The following TAFA4 variants were observed in gnomAD, a reference collection of about 807,000 sequenced individuals.
TAFA4 encodes the protein TAFA chemokine like family member 4.
In TAFA4, 20 loss-of-function variants were observed where a neutral mutation model predicts 21.1. The observed-to-expected ratio is 0.95, with a 90% confidence interval of 0.67 to 1.38. TAFA4 has a LOEUF of 1.38. TAFA4 is among the 40% of genes most tolerant of loss of function. The probability of loss-of-function intolerance (pLI) is 0.00; values close to 1 mark genes in which losing one functional copy is unlikely to be tolerated. For missense variants in TAFA4, 211 were observed against 180.9 expected, an observed-to-expected ratio of 1.17 and a Z score of -0.95; for synonymous variants, 71 against 67.4, an observed-to-expected ratio of 1.05 and a Z score of -0.26.
chr3:68,837,171 C>A (rs1046813046), intron 3 of TAFA4, among the ~76,000 whole-genome samples: 4 of 152,182 alleles, frequency 2.6e-5, no homozygotes, highest in African/African-American at 9.7e-5. Flanking sequence ...CTATGTGACC[C>A]CTTGAAGAAA....
At chr3:68,848,854 G>A (rs1366619954) in intron 3 of TAFA4, among the ~76,000 whole-genome samples, 1 of 152,030 alleles carries the variant, frequency 6.6e-6, no homozygotes, top group African/African-American at 2.4e-5. Flanking sequence ...GTGACAGGCT[G>A]TCTCCTTTCC....
At chr3:68,787,655 G>T (rs1703286038) in intron 3 of TAFA4, among the ~76,000 whole-genome samples, 1 of 152,192 alleles carries the variant, frequency 6.6e-6, no homozygotes, top group African/African-American at 2.4e-5. Context: ...ACCACAAGCA[G>T]CAACACTTGC....
intron 1 of TAFA4, among the ~76,000 whole-genome samples, chr3:68,918,761 G>A (rs1054216841): frequency 3.3e-5 from 5 of 152,074 alleles, no homozygotes; most frequent in African/African-American, 1.2e-4. Context: ...GATTGGTCTC[G>A]AACTTCTGGG....
chr3:68,836,694 T>C (rs900512265), intron 3 of TAFA4, among the ~76,000 whole-genome samples: 1 of 152,122 alleles, frequency 6.6e-6, no homozygotes, highest in Non-Finnish European at 1.5e-5. Flanking sequence ...TCAATAGTCT[T>C]TCAACAGAAA....
At chr3:68,841,342 A>T (rs1288452807) in intron 3 of TAFA4, among the ~76,000 whole-genome samples, 4 of 151,476 alleles carry the variant, frequency 2.6e-5, no homozygotes, top group East Asian at 1.9e-4. Flanking sequence ...AAAAATAAAA[A>T]AAAATAAAAT....
rs574866745 is a variant in TAFA4 at position 68,884,348 on chromosome 3, T to A, written c.14+827A>T. Among the ~76,000 whole-genome samples the A allele has an allele frequency of 2.6e-5, 4 of 152,284 alleles. No homozygotes were observed. The East Asian group carries it at 7.8e-4, about 30-fold the overall frequency. On this transcript the variant is annotated intron_variant, in intron 2 of 5. Transcript: ENST00000295569. ...AGGACATTTCTCCCCGCCTTCTCTG[T>A]CTTTGGCAGGATCTGTGGGGTGGCC...
chr3:68,751,778 G>T (rs1265669246), intron 4 of TAFA4, among the ~76,000 whole-genome samples: 1 of 152,122 alleles, frequency 6.6e-6, no homozygotes, highest in Non-Finnish European at 1.5e-5. Context: ...CTATGATTAT[G>T]GGGTGCAAGT....
In TAFA4 at chr3:68,877,125, G is replaced by T. The variant is rs1287477856; in HGVS notation, c.130+3605C>A. Among the ~76,000 whole-genome samples the T allele has an allele frequency of 3.3e-5, 5 of 152,168 alleles. No homozygotes were observed. In the East Asian group the frequency reaches 9.7e-4, roughly 29 times the overall value. On this transcript the variant is annotated intron_variant, in intron 3 of 5. Transcript: ENST00000295569. The stretch of plus-strand genomic sequence containing the variant: ...TGTAATCCCAGCACTTTGGGAGGCC[G>T]AGGTGGGTGGATCACTTGAGGTCAG...
chr3:68,918,991 C>A (rs955728150), intron 1 of TAFA4, among the ~76,000 whole-genome samples: 2 of 152,168 alleles, frequency 1.3e-5, no homozygotes, highest in African/African-American at 4.8e-5. Context: ...TCAAAATATC[C>A]CTCTGTAAGA....
intron 3 of TAFA4, among the ~76,000 whole-genome samples, chr3:68,799,985 G>A (rs1027053919): frequency 3.9e-5 from 6 of 151,982 alleles, no homozygotes; most frequent in Non-Finnish European, 5.9e-5. Flanking sequence ...GGGGATCTAG[G>A]TTGCCGCTCC....
chr3:68,917,567 A>G (rs564575413), intron 1 of TAFA4, among the ~76,000 whole-genome samples: 179 of 152,022 alleles, frequency 1.2e-3, no homozygotes, highest in African/African-American at 4.1e-3. Flanking sequence ...AGCCTGACCA[A>G]TATGGTGAAA....
chr3:68,859,742 C>T (rs141395310), intron 3 of TAFA4, among the ~76,000 whole-genome samples: 17 of 152,224 alleles, frequency 1.1e-4, no homozygotes, highest in African/African-American at 4.1e-4. Context: ...GCAAGCAGAG[C>T]TCACCAACCA....
chr3:68,925,124 T>C lies in TAFA4; in HGVS notation c.-123+7116A>G, dbSNP rs760852500. ...AGAGCAGGACAGAGTGCAAAGAAGA[T>C]GTGAGGTTTTTATCCTGGGAGGACT... On this transcript the variant is annotated intron_variant, in intron 1 of 5. Coordinates refer to ENST00000295569, the MANE Select transcript of TAFA4 (RefSeq NM_182522.5). Among the ~76,000 whole-genome samples, 73 of 152,126 alleles carry C rather than the reference T, an allele frequency of 4.8e-4. 1 individual carries two copies. Among genetic ancestry groups the C allele is most frequent in the Non-Finnish European group, 7.8e-4 (53 of 68,014 alleles).
intron 3 of TAFA4, among the ~76,000 whole-genome samples, chr3:68,809,429 A>G (rs1240777918): frequency 1.3e-5 from 2 of 152,312 alleles, no homozygotes; most frequent in East Asian, 1.9e-4. Flanking sequence ...TTGGTTGCCA[A>G]TATGATTTGT....
intron 1 of TAFA4, among the ~76,000 whole-genome samples, chr3:68,906,508 G>A (rs958369389): frequency 6.6e-6 from 1 of 152,176 alleles, no homozygotes; most frequent in Non-Finnish European, 1.5e-5. Flanking sequence ...CTCCCTAAGA[G>A]ACAGAAAGGT....
At chr3:68,830,032 T>C (rs112252544) in intron 3 of TAFA4, among the ~76,000 whole-genome samples, 21,888 of 152,208 alleles carry the variant, frequency 0.14, 2,306 homozygotes, top group African/African-American at 0.3. Flanking sequence ...TCAGTGGTGA[T>C]ATCCCTTTTT....
intron 3 of TAFA4, among the ~76,000 whole-genome samples, chr3:68,859,396 C>T (rs1280039417): frequency 1.3e-5 from 2 of 152,112 alleles, no homozygotes; most frequent in African/African-American, 4.8e-5. Flanking sequence ...TGTCTCCTTG[C>T]TGCGAAGTTT....
chr3:68,892,969 T>C (rs907019040), intron 1 of TAFA4, among the ~76,000 whole-genome samples: 3 of 152,242 alleles, frequency 2.0e-5, no homozygotes, highest in Non-Finnish European at 4.4e-5. Context: ...CCACAACTTG[T>C]TGTCCAAGTG....
chr3:68,812,882 GCACCA>G (rs966501647), intron 3 of TAFA4, among the ~76,000 whole-genome samples: 3 of 150,218 alleles, frequency 2.0e-5, no homozygotes, highest in Non-Finnish European at 4.4e-5. Context: ...ATTCTTTTCA[GCACCA>G]CACCACACCT....
Sources: allele counts gnomAD v4.1 joint callset (sites outside exome capture counted in the v4.1 genomes callset), GRCh38; gene constraint gnomAD v4.1.1; transcripts MANE v1.5; gene names NCBI Gene and HGNC (gene_info 2026-07-23, HGNC 2026-07-21).